The following GABRR1 variants were observed in gnomAD, a reference collection of about 807,000 sequenced individuals.
GABRR1 encodes gamma-aminobutyric acid type A receptor subunit rho1, also known as gamma-aminobutyric acid receptor subunit rho-1.
In GABRR1, 59 loss-of-function variants were observed where a neutral mutation model predicts 55.5. That is an observed-to-expected ratio of 1.06 (90% CI 0.86 to 1.32). GABRR1 has a LOEUF of 1.32. Ranked by LOEUF, GABRR1 falls within the 40% of genes most tolerant of loss-of-function variation. The pLI, the probability that GABRR1 is intolerant of heterozygous loss-of-function variation, is 0.00. For synonymous variants in GABRR1, 213 were observed against 226.0 expected (o/e 0.94, Z 0.51); for missense variants, 602 against 619.1 (o/e 0.97, Z 0.29).
At chr6:89,198,292 T>C in intron 4 of GABRR1, 49 bp from the exon 5 acceptor site, 1 of 1,314,798 alleles carries the variant, frequency 7.6e-7, no homozygotes, top group South Asian at 1.2e-5. Flanking sequence ...ACAAACCCAC[T>C]GAGATGTGGA....
intron 1 of GABRR1, among the ~76,000 whole-genome samples, chr6:89,207,447 G>A (rs1032773897): frequency 4.6e-5 from 7 of 152,078 alleles, no homozygotes; most frequent in Non-Finnish European, 7.4e-5. Flanking sequence ...TGCCCGCCTC[G>A]GCCTCCCAAA....
chr6:89,230,391 G>T (rs1295232544), intron 1 of GABRR1, among the ~76,000 whole-genome samples: 1 of 136,806 alleles, frequency 7.3e-6, no homozygotes, highest in Non-Finnish European at 1.6e-5. Context: ...CATCTTTGTG[G>T]TTTTATCTAC....
At chr6:89,199,555 G>T in intron 3 of GABRR1, 126 bp from the exon 4 acceptor site, 1 of 766,350 alleles carries the variant, frequency 1.3e-6, no homozygotes, top group Non-Finnish European at 2.2e-6. Context: ...TTTGGTCATG[G>T]CAACCTGAAG....
intron 1 of GABRR1, among the ~76,000 whole-genome samples, chr6:89,208,182 C>G (rs1017604181): frequency 6.6e-6 from 1 of 152,118 alleles, no homozygotes; most frequent in Non-Finnish European, 1.5e-5. Flanking sequence ...TGGGTGTGTG[C>G]GTGTGTTTAA....
At chr6:89,198,358 A>C (rs1213261944) in intron 4 of GABRR1, 115 bp from the exon 5 acceptor site, 2 of 753,680 alleles carry the variant, frequency 2.7e-6, no homozygotes, top group Non-Finnish European at 4.5e-6. Flanking sequence ...GAACCAAGAG[A>C]GGTTTTGCTT....
At chr6:89,185,169 C>A in intron 7 of GABRR1, 141 bp downstream of exon 7, 1 of 1,087,404 alleles carries the variant, frequency 9.2e-7, no homozygotes, top group Non-Finnish European at 1.3e-6. Context: ...TGAGCCACTG[C>A]ACCCGGCCTC....
In GABRR1 at chr6:89,212,967, C is replaced by T. The variant is rs188558239; in HGVS notation, c.122+4234G>A. On this transcript the variant is annotated intron_variant, in intron 1 of 9. Transcript: ENST00000454853. ...GATTACAGGCATGAGCCACCATGCC[C>T]GGCCTGAGACAGTAAGTTTTGATTC... Among the ~76,000 whole-genome samples, 985 of 152,258 alleles carry T rather than the reference C, an allele frequency of 6.5e-3. 11 individuals are homozygous for T. Among genetic ancestry groups the T allele is most frequent in the African/African-American group, 0.022 (930 of 41,538 alleles).
At chr6:89,209,385 C>A (rs553812983) in intron 1 of GABRR1, among the ~76,000 whole-genome samples, 27 of 152,096 alleles carry the variant, frequency 1.8e-4, no homozygotes, top group Non-Finnish European at 4.0e-4. Context: ...TCTATTTGAC[C>A]CTAATGCCAA....
At chr6:89,217,376 T>C, upstream of GABRR1, 1 of 1,589,472 alleles carries the variant, frequency 6.3e-7, no homozygotes, top group Non-Finnish European at 8.6e-7. Context: ...GAAAAGATTG[T>C]TCTTTTTCTC....
At chr6:89,187,495 T>C (rs1771942536) in intron 6 of GABRR1, among the ~76,000 whole-genome samples, 1 of 152,208 alleles carries the variant, frequency 6.6e-6, no homozygotes, top group South Asian at 2.1e-4. Flanking sequence ...TTTCATGTAG[T>C]ATCTGTGTTG....
upstream of GABRR1, among the ~76,000 whole-genome samples, chr6:89,220,120 T>C (rs1014768808): frequency 3.9e-5 from 6 of 152,242 alleles, no homozygotes; most frequent in East Asian, 1.9e-4. Flanking sequence ...AGGCATTAAA[T>C]TGGGGAGGTA....
At chr6:89,190,346 A>G (rs917383841) in intron 5 of GABRR1, 99 bp from the exon 6 acceptor site, 8 of 728,650 alleles carry the variant, frequency 1.1e-5, no homozygotes, top group South Asian at 3.7e-5. Context: ...AATATGATAG[A>G]TGCCTCTTCT....
At chr6:89,212,759 C>A (rs1306193386) in intron 1 of GABRR1, among the ~76,000 whole-genome samples, 1 of 152,078 alleles carries the variant, frequency 6.6e-6, no homozygotes, top group Non-Finnish European at 1.5e-5. Context: ...GCCTTGACAT[C>A]CCAGGCTCAA....
At chr6:89,224,167 C>T (rs1385697033) in intron 1 of GABRR1, among the ~76,000 whole-genome samples, 4 of 152,024 alleles carry the variant, frequency 2.6e-5, no homozygotes, top group African/African-American at 4.8e-5. Flanking sequence ...TTGGCTCACT[C>T]AACCTCCACC....
At chr6:89,196,822 G>GGAAGGAAGGAAAGAAAGAAA (rs1262381146) in intron 5 of GABRR1, among the ~76,000 whole-genome samples, 2 of 91,124 alleles carry the variant, frequency 2.2e-5, no homozygotes, top group African/African-American at 4.2e-5. Context: ...AAGAAAAGAA[G>GGAAGGAAGGAAAGAAAGAAA]GAAAGAAAGA....
Position 89,198,160 on chromosome 6 carries a change from C to T in GABRR1, c.432G>A (p.Thr144=), listed in dbSNP as rs369049074. The T allele has an allele frequency of 2.1e-5, 34 of 1,613,962 alleles. No individual in the cohort carries two copies. The highest frequency in any genetic ancestry group is 2.7e-5 in the African/African-American group (2 of 74,882). The change falls in exon 5 of 10, where the codon ACG becomes ACA. Residue 144 remains threonine, a synonymous_variant. Transcript: ENST00000454853. ...SFPSTNNLSM[T]FDGRLVKKIW... ...TCTTCTTGACCAGCCGGCCGTCAAACGTCATGCTGAGGTTGTTGGTGCTTG... is the reference window on the plus strand; with the variant it reads ...TCTTCTTGACCAGCCGGCCGTCAAATGTCATGCTGAGGTTGTTGGTGCTTG...
At chr6:89,199,222 AGC>A in intron 4 of GABRR1, 138 bp downstream of exon 4, 1 of 745,704 alleles carries the variant, frequency 1.3e-6, no homozygotes. Flanking sequence ...AATCTTCCTG[AGC>A]CATCTGAAAA....
intron 7 of GABRR1, among the ~76,000 whole-genome samples, chr6:89,184,888 T>TC (rs1395186513): frequency 8.4e-5 from 12 of 142,710 alleles, no homozygotes; most frequent in East Asian, 2.0e-4. Flanking sequence ...TTTCTTTCTT[T>TC]TTTTTTTTTT....
chr6:89,180,385 G>A lies in GABRR1; in HGVS notation c.1053C>T (p.Ser351=), dbSNP rs1222156755. 1 of 1,613,940 alleles carries A rather than the reference G, an allele frequency of 6.2e-7. No homozygotes were observed. Among genetic ancestry groups the A allele is most frequent in the Non-Finnish European group, 8.5e-7 (1 of 1,179,868 alleles). ...IKAVDIYLWV[S]FVFVFLSVLE... ...GCACCGAGAGGAACACGAACACAAAGCTGACCCAGAGGTAGATGTCCACGG... is the reference window on the plus strand; with the variant it reads ...GCACCGAGAGGAACACGAACACAAAACTGACCCAGAGGTAGATGTCCACGG... The change falls in exon 9 of 10, where the codon AGC becomes AGT. Residue 351 remains serine, a synonymous_variant. Coordinates refer to ENST00000454853, the MANE Select transcript of GABRR1 (RefSeq NM_002042.5).
Sources: gnomAD v4.1 joint callset for allele counts (sites outside exome capture counted in the v4.1 genomes callset) on GRCh38, gnomAD v4.1.1 for gene constraint, MANE v1.5 for transcripts, NCBI Gene and HGNC (gene_info 2026-07-23, HGNC 2026-07-21) for gene names.